The following TRIM33 variants were observed in gnomAD, a reference collection of about 807,000 sequenced individuals.
TRIM33 encodes the protein E3 ubiquitin-protein ligase TRIM33.
A neutral mutation model predicts 125.4 loss-of-function variants in TRIM33; 20 were observed. That is an observed-to-expected ratio of 0.16 (90% CI 0.11 to 0.23). The LOEUF (loss-of-function observed/expected upper bound fraction) is 0.23. Among genes scored for constraint, TRIM33 ranks in the 10% least tolerant of loss-of-function variants. The pLI is 1.00. For missense variants in TRIM33, 920 were observed against 1,411.4 expected (o/e 0.65, Z 5.58); for synonymous variants, 564 against 513.9 (o/e 1.10, Z -1.32).
In TRIM33 at chr1:114,407,050, G is replaced by C; in HGVS notation, c.2309C>G (p.Ser770Cys). ...TAEKTSLSFK[S>C]DQVKVKQEPG... The stretch of plus-strand genomic sequence containing the variant: ...TTCTTGCTTGACCTTCACCTGATCA[G>C]ATTTGAAACTAAGACTTGTCTTCTC... Residue 770 changes from serine to cysteine, a missense_variant, in exon 14 of 20, where the codon TCT becomes TGT. Ser to Cys is a moderately radical substitution (Grantham distance 112). Around this residue, in one of 8 missense-constraint regions of TRIM33, gnomAD observed 407 missense variants for 589.7 expected, o/e 0.69. Coordinates refer to ENST00000358465, the MANE Select transcript of TRIM33 (RefSeq NM_015906.4). 1 of 1,613,856 alleles carries C rather than the reference G, an allele frequency of 6.2e-7. No individual in the cohort carries two copies. Among genetic ancestry groups the C allele is most frequent in the Non-Finnish European group, 8.5e-7 (1 of 1,179,880 alleles).
At chr1:114,450,841 C>T (rs1649267385) in intron 4 of TRIM33, among the ~76,000 whole-genome samples, 1 of 152,176 alleles carries the variant, frequency 6.6e-6, no homozygotes, top group Non-Finnish European at 1.5e-5. Flanking sequence ...TTAAATGGGA[C>T]ATTTTATCCT....
At chr1:114,473,462 T>C (rs926719083) in intron 1 of TRIM33, among the ~76,000 whole-genome samples, 2 of 151,976 alleles carry the variant, frequency 1.3e-5, no homozygotes, top group Non-Finnish European at 1.5e-5. Context: ...CTAATTCCGA[T>C]TGGCTACTTT....
chr1:114,405,341 GA>G, intron 15 of TRIM33, 68 bp downstream of exon 15: 1 of 1,272,688 alleles, frequency 7.9e-7, no homozygotes. Flanking sequence ...CATCTGCCCT[GA>G]ACATTCTTCT....
At chr1:114,439,381 A>AGAACTT (rs1298774740) in intron 4 of TRIM33, among the ~76,000 whole-genome samples, 2 of 147,762 alleles carry the variant, frequency 1.4e-5, no homozygotes, top group Non-Finnish European at 3.0e-5. Context: ...CTGAGGCAGG[A>AGAACTT]GAACTTGAAC....
At chr1:114,489,874 A>T (rs962374246) in intron 1 of TRIM33, among the ~76,000 whole-genome samples, 1 of 152,124 alleles carries the variant, frequency 6.6e-6, no homozygotes, top group Non-Finnish European at 1.5e-5. Context: ...ACACACAAAA[A>T]ACTTTTGTGC....
At chr1:114,438,259 T>A (rs1188412308) in intron 4 of TRIM33, among the ~76,000 whole-genome samples, 1 of 152,232 alleles carries the variant, frequency 6.6e-6, no homozygotes, top group African/African-American at 2.4e-5. Flanking sequence ...AAATGCATCA[T>A]AGTGCTTTAT....
At chr1:114,495,766 A>G (rs1314337380) in intron 1 of TRIM33, among the ~76,000 whole-genome samples, 2 of 152,188 alleles carry the variant, frequency 1.3e-5, no homozygotes, top group African/African-American at 4.8e-5. Context: ...CATATAATAC[A>G]CAAATGAAAA....
intron 4 of TRIM33, among the ~76,000 whole-genome samples, chr1:114,455,453 T>C (rs1649564927): frequency 6.6e-6 from 1 of 152,194 alleles, no homozygotes; most frequent in Non-Finnish European, 1.5e-5. Context: ...ACCTTACTGC[T>C]GTAAAATCTA....
intron 1 of TRIM33, among the ~76,000 whole-genome samples, chr1:114,507,660 A>C (rs1476373133): frequency 6.6e-6 from 1 of 152,206 alleles, no homozygotes; most frequent in Admixed American, 6.5e-5. Flanking sequence ...TGAAGGACAA[A>C]AACAGTATGA....
intron 4 of TRIM33, among the ~76,000 whole-genome samples, chr1:114,438,239 A>G (rs182295021): frequency 6.6e-6 from 1 of 152,360 alleles, no homozygotes; most frequent in East Asian, 1.9e-4. Context: ...ATTTTGGCAC[A>G]TCTAGGGAAA....
intron 4 of TRIM33, among the ~76,000 whole-genome samples, chr1:114,462,335 T>C (rs947643870): frequency 4.6e-5 from 7 of 152,212 alleles, no homozygotes; most frequent in Admixed American, 6.5e-5. Flanking sequence ...AGAAATCATA[T>C]CGTTAAGAAA....
intron 1 of TRIM33, among the ~76,000 whole-genome samples, chr1:114,479,740 T>C (rs1273002189): frequency 6.6e-6 from 1 of 150,820 alleles, no homozygotes; most frequent in Non-Finnish European, 1.5e-5. Flanking sequence ...TTTAACAAAA[T>C]GAAGGTAGTA....
intron 1 of TRIM33, among the ~76,000 whole-genome samples, chr1:114,485,049 C>CT (rs1443559039): frequency 2.1e-5 from 3 of 144,504 alleles, no homozygotes; most frequent in Non-Finnish European, 4.6e-5. Flanking sequence ...GAGACTCTGT[C>CT]TTTTAAAAAA....
intron 4 of TRIM33, among the ~76,000 whole-genome samples, chr1:114,454,667 C>A (rs1649520971): frequency 7.2e-6 from 1 of 138,388 alleles, no homozygotes; most frequent in Admixed American, 7.0e-5. Flanking sequence ...TAGCACAAGA[C>A]TCCTCTAAAA....
chr1:114,442,687 CAA>C (rs34847018), intron 4 of TRIM33, among the ~76,000 whole-genome samples: 201 of 73,816 alleles, frequency 2.7e-3, no homozygotes, highest in Non-Finnish European at 4.4e-3. Context: ...GACTCTGTCT[CAA>C]AAAAAAAAAA....
chr1:114,476,217 TAAGAA>T (rs1468750289), intron 1 of TRIM33, among the ~76,000 whole-genome samples: 1 of 146,442 alleles, frequency 6.8e-6, no homozygotes, highest in African/African-American at 2.5e-5. Context: ...CAAAAACAAA[TAAGAA>T]AAAAAAAAAC....
intron 1 of TRIM33, among the ~76,000 whole-genome samples, chr1:114,504,574 C>T (rs1044863117): frequency 1.3e-5 from 2 of 152,162 alleles, no homozygotes; most frequent in African/African-American, 4.8e-5. Flanking sequence ...TAAACTTGTG[C>T]ACCTCTAAAA....
intron 1 of TRIM33, among the ~76,000 whole-genome samples, chr1:114,493,938 G>T (rs544523805): frequency 1.3e-4 from 20 of 152,084 alleles, no homozygotes; most frequent in African/African-American, 4.8e-4. Flanking sequence ...CGATTCTCCT[G>T]CCTCAGCCTC....
At chr1:114,487,903 C>CAAACA (rs1553221933) in intron 1 of TRIM33, among the ~76,000 whole-genome samples, 1 of 36,634 alleles carries the variant, frequency 2.7e-5, no homozygotes, top group East Asian at 1.1e-3. Context: ...GACTCCGTCT[C>CAAACA]AAAAAAAAAA....
Sources: allele counts gnomAD v4.1 joint callset (sites outside exome capture counted in the v4.1 genomes callset), GRCh38; gene constraint gnomAD v4.1.1; regional missense constraint gnomAD v4.1.1; transcripts MANE v1.5; gene names NCBI Gene and HGNC (gene_info 2026-07-23, HGNC 2026-07-21).